The following ZFYVE9 variants were observed in gnomAD, a reference collection of about 807,000 sequenced individuals.
The protein encoded by ZFYVE9 is zinc finger FYVE domain-containing protein 9.
A neutral mutation model predicts 126.7 loss-of-function variants in ZFYVE9; 43 were observed. The observed-to-expected ratio is 0.34, with a 90% CI of 0.27 to 0.44. The LOEUF is 0.44. Ranked by LOEUF, ZFYVE9 falls within the 20% of genes least tolerant of loss-of-function variation. ZFYVE9 has a pLI of 1.00. For missense variants in ZFYVE9, 1,476 were observed against 1,697.0 expected (o/e 0.87, Z 2.29); for synonymous variants, 521 against 597.4 (o/e 0.87, Z 1.87).
At chr1:52,314,297 T>G (rs747659357) in intron 13 of ZFYVE9, among the ~76,000 whole-genome samples, 9 of 152,146 alleles carry the variant, frequency 5.9e-5, no homozygotes, top group Non-Finnish European at 8.8e-5. Context: ...ATGAAAACAA[T>G]GCAAGTTGCA....
At chr1:52,332,225 T>C (rs1333955088) in intron 13 of ZFYVE9, among the ~76,000 whole-genome samples, 15 of 152,020 alleles carry the variant, frequency 9.9e-5, no homozygotes, top group South Asian at 2.1e-4. Flanking sequence ...TAGGTCAGAA[T>C]TATCATGTTA....
At chr1:52,158,921 C>T (rs556797416) in intron 1 of ZFYVE9, among the ~76,000 whole-genome samples, 80 of 151,830 alleles carry the variant, frequency 5.3e-4, no homozygotes, top group Non-Finnish European at 1.1e-3. Context: ...GCCTCCTGAG[C>T]AGCTGGGACT....
chr1:52,259,768 G>T (rs1442337459), intron 4 of ZFYVE9, among the ~76,000 whole-genome samples: 1 of 152,100 alleles, frequency 6.6e-6, no homozygotes, highest in Non-Finnish European at 1.5e-5. Context: ...CTGCACTCCA[G>T]CCTGGGCGAC....
At chr1:52,341,509 T>A (rs1019929812) in intron 17 of ZFYVE9, among the ~76,000 whole-genome samples, 1 of 152,220 alleles carries the variant, frequency 6.6e-6, no homozygotes, top group Non-Finnish European at 1.5e-5. Context: ...GAAAAAAATT[T>A]TAAAAGTTCT....
intron 1 of ZFYVE9, among the ~76,000 whole-genome samples, chr1:52,206,010 G>A (rs879510641): frequency 3.3e-5 from 5 of 152,068 alleles, no homozygotes; most frequent in African/African-American, 4.8e-5. Flanking sequence ...AACTGATTTT[G>A]ATGCCATTTG....
At chr1:52,239,913 T>C (rs1024845451) in intron 4 of ZFYVE9, among the ~76,000 whole-genome samples, 2 of 152,242 alleles carry the variant, frequency 1.3e-5, no homozygotes, top group Admixed American at 1.3e-4. Flanking sequence ...AAGGAAGTTA[T>C]TCTTTCAGTT....
At chr1:52,211,508 T>C (rs1645028306) in intron 1 of ZFYVE9, among the ~76,000 whole-genome samples, 1 of 152,198 alleles carries the variant, frequency 6.6e-6, no homozygotes, top group Admixed American at 6.5e-5. Flanking sequence ...TTGAACACTT[T>C]GTCAGACTTT....
chr1:52,167,019 G>A (rs938724487), intron 1 of ZFYVE9, among the ~76,000 whole-genome samples: 2 of 152,198 alleles, frequency 1.3e-5, no homozygotes, highest in East Asian at 1.9e-4. Flanking sequence ...ATTATGTATT[G>A]AATATGATTC....
At chr1:52,166,316 A>G (rs936536873) in intron 1 of ZFYVE9, among the ~76,000 whole-genome samples, 27 of 152,186 alleles carry the variant, frequency 1.8e-4, no homozygotes, top group Non-Finnish European at 2.9e-4. Context: ...AAGGGCATAC[A>G]TACTAAGATG....
At chr1:52,197,982 G>T (rs1644877121) in intron 1 of ZFYVE9, among the ~76,000 whole-genome samples, 1 of 152,112 alleles carries the variant, frequency 6.6e-6, no homozygotes, top group Non-Finnish European at 1.5e-5. Flanking sequence ...TGAGTGAGAG[G>T]TGATGTTTAT....
In ZFYVE9 at chr1:52,239,420, G is replaced by A; in HGVS notation, c.2003G>A (p.Ser668Asn). The change falls in exon 4 of 19, where the codon AGC (serine) becomes AAC (asparagine). Residue 668 changes from serine to asparagine, a missense_variant. Ser to Asn is a conservative substitution (Grantham distance 46, BLOSUM62 1). Coordinates refer to ENST00000287727, the MANE Select transcript of ZFYVE9 (RefSeq NM_004799.4). ...CCATGCCTTGCATTAGCTCCAGATA[G>A]CCCAGATAATGATCTCAGAGCTGGT... is the stretch of plus-strand genomic sequence containing the variant. ...TRPCLALAPD[S>N]PDNDLRAGQF... The A allele has an allele frequency of 6.2e-7, 1 of 1,614,114 alleles. No homozygotes were observed. Among genetic ancestry groups the A allele is most frequent in the Non-Finnish European group, 8.5e-7 (1 of 1,180,002 alleles).
intron 12 of ZFYVE9, among the ~76,000 whole-genome samples, chr1:52,301,258 TTTC>T (rs1646030918): frequency 6.6e-6 from 1 of 151,648 alleles, no homozygotes; most frequent in Non-Finnish European, 1.5e-5. Context: ...ATAACAATTT[TTTC>T]TTTTCTTAAC....
intron 1 of ZFYVE9, chr1:52,150,131 T>C (rs1644340692): frequency 6.6e-6 from 1 of 152,260 alleles, no homozygotes; most frequent in African/African-American, 2.4e-5. Context: ...GTGCGTCTAG[T>C]CTCAGTTACT....
chr1:52,157,181 G>A (rs186711342), intron 1 of ZFYVE9, among the ~76,000 whole-genome samples: 90 of 152,006 alleles, frequency 5.9e-4, no homozygotes, highest in African/African-American at 1.8e-3. Flanking sequence ...GGTTCCTTTC[G>A]GGATGGACTT....
chr1:52,190,416 C>G (rs1644806159), intron 1 of ZFYVE9: 1 of 152,074 alleles, frequency 6.6e-6, no homozygotes, highest in African/African-American at 2.4e-5. Context: ...CCGTTAGGTG[C>G]TTTGGTTTTA....
intron 12 of ZFYVE9, among the ~76,000 whole-genome samples, chr1:52,298,894 C>A (rs1036338669): frequency 6.0e-5 from 9 of 148,830 alleles, no homozygotes; most frequent in African/African-American, 2.3e-4. Flanking sequence ...ACTGCAAGCT[C>A]CGCCTCCCGG....
chr1:52,313,009 C>T (rs970795671), intron 13 of ZFYVE9, among the ~76,000 whole-genome samples: 4 of 152,098 alleles, frequency 2.6e-5, no homozygotes, highest in Admixed American at 2.0e-4. Flanking sequence ...GAAACAGACA[C>T]ACATATAGGG....
chr1:52,232,605 G>T (rs1645233650), intron 2 of ZFYVE9, among the ~76,000 whole-genome samples: 1 of 151,946 alleles, frequency 6.6e-6, no homozygotes, highest in Non-Finnish European at 1.5e-5. Flanking sequence ...GTGCTTGCCT[G>T]TAATCCCAGC....
chr1:52,173,885 T>G (rs1250842517), intron 1 of ZFYVE9, among the ~76,000 whole-genome samples: 1 of 152,204 alleles, frequency 6.6e-6, no homozygotes, highest in Admixed American at 6.5e-5. Context: ...TATTTGATTC[T>G]TCCCTCTTTT....
Sources: gnomAD v4.1 joint callset for allele counts (sites outside exome capture counted in the v4.1 genomes callset) on GRCh38, gnomAD v4.1.1 for gene constraint, MANE v1.5 for transcripts, NCBI Gene and HGNC (gene_info 2026-07-23, HGNC 2026-07-21) for gene names.